SSBP3: variants seen among roughly 807,000 people sequenced by gnomAD.
SSBP3 encodes the protein single-stranded DNA-binding protein 3.
SSBP3 carries 5 observed loss-of-function variants against 69.6 expected under a neutral mutation model. The observed-to-expected ratio is 0.07, with a 90% CI of 0.04 to 0.15. The LOEUF (loss-of-function observed/expected upper bound fraction) is 0.15, where lower values mean the gene tolerates loss of function less well. Among genes scored for constraint, SSBP3 ranks in the 10% least tolerant of loss-of-function variants. The pLI is 1.00. For missense variants in SSBP3, 312 were observed against 534.0 expected (o/e 0.58, Z 4.10); for synonymous variants, 196 against 193.4 (o/e 1.01, Z -0.11).
At chr1:54,243,926 GTTT>G in intron 9 of SSBP3, among the ~76,000 whole-genome samples, 1 of 151,806 alleles carries the variant, frequency 6.6e-6, no homozygotes, top group African/African-American at 2.4e-5. Flanking sequence ...GTGTGTGTGA[GTTT>G]TTTTTTGTTT....
intron 4 of SSBP3, among the ~76,000 whole-genome samples, chr1:54,329,587 AC>A (rs1393945046): frequency 6.6e-6 from 1 of 152,244 alleles, no homozygotes; most frequent in African/African-American, 2.4e-5. Flanking sequence ...GCCCCAGGCT[AC>A]AGGGGAGGTG....
intron 9 of SSBP3, among the ~76,000 whole-genome samples, chr1:54,244,995 C>T (rs1174502457): frequency 5.9e-5 from 9 of 152,206 alleles, no homozygotes; most frequent in Non-Finnish European, 1.0e-4. Context: ...TGATCATATA[C>T]CCCCCACCCC....
intron 5 of SSBP3, among the ~76,000 whole-genome samples, chr1:54,265,189 G>A (rs1557475901): frequency 6.6e-6 from 1 of 152,190 alleles, no homozygotes; most frequent in African/African-American, 2.4e-5. Flanking sequence ...CTGACCAGAT[G>A]GGGGGAGGAA....
intron 4 of SSBP3, among the ~76,000 whole-genome samples, chr1:54,323,646 T>C (rs963437604): frequency 6.6e-6 from 1 of 152,166 alleles, no homozygotes; most frequent in Non-Finnish European, 1.5e-5. Context: ...ATGCGGGTGC[T>C]TGGGGGCAAA....
At chr1:54,242,193 G>T (rs752894951) in exon 11 of SSBP3, 27 of 1,613,660 alleles carry the variant, frequency 1.7e-5, no homozygotes, top group Non-Finnish European at 2.3e-5. Flanking sequence ...TTGGGCCAGG[G>T]TCTGCCAGCT....
chr1:54,354,876 AC>A lies in SSBP3; in HGVS notation c.276+46984del, dbSNP rs570141379. ...AACACATCATCTGTACATGCCATCT[AC>A]CCAGCCTGTGGACTTCCCAGTAATT... On this transcript the variant is annotated intron_variant, in intron 4 of 17. Coordinates refer to ENST00000610401, the Ensembl canonical transcript of SSBP3. Among the ~76,000 whole-genome samples, 373 of 152,284 alleles carry A rather than the reference AC, an allele frequency of 2.4e-3. 2 individuals carry two copies. Among genetic ancestry groups the A allele is most frequent in the Non-Finnish European group, 3.5e-3 (238 of 68,020 alleles).
intron 4 of SSBP3, among the ~76,000 whole-genome samples, chr1:54,350,687 G>A (rs907865646): frequency 3.9e-5 from 6 of 152,198 alleles, no homozygotes; most frequent in African/African-American, 1.4e-4. Context: ...CTCAGCCTGG[G>A]AAGCTGAGCT....
chr1:54,251,560 A>T, intron 9 of SSBP3, 56 bp downstream of exon 9: 1 of 1,509,588 alleles, frequency 6.6e-7, no homozygotes, highest in Non-Finnish European at 9.0e-7. Context: ...AACAGGAGAG[A>T]AGGCGGGTGC....
At chr1:54,395,377 T>G (rs1233830424) in intron 4 of SSBP3, among the ~76,000 whole-genome samples, 1 of 152,242 alleles carries the variant, frequency 6.6e-6, no homozygotes, top group Non-Finnish European at 1.5e-5. Flanking sequence ...TTCCTACTGA[T>G]GCCAAGCTGC....
rs375776087 is a variant in SSBP3, at chr1:54,228,713, C to T, written c.1006+35G>A. 1.7e-5 allele frequency: 26 copies of T among 1,558,768 alleles called. No homozygotes were observed. In the African/African-American group the frequency reaches 2.6e-4, roughly 15 times the overall value. On this transcript the variant is annotated intron_variant, in intron 15 of 17. Coordinates refer to ENST00000610401, the Ensembl canonical transcript of SSBP3. ...TGAGGCACAGAGCTGGCTGCCCAGG[C>T]AGGGTGGGGCATGGCGAGGGCAGGG... is the stretch of plus-strand genomic sequence containing the variant.
At chr1:54,264,253 G>C (rs1421189745) in intron 5 of SSBP3, among the ~76,000 whole-genome samples, 5 of 152,128 alleles carry the variant, frequency 3.3e-5, no homozygotes, top group African/African-American at 9.7e-5. Flanking sequence ...AGTCAGCTGT[G>C]ATCATGCCAC....
intron 4 of SSBP3, among the ~76,000 whole-genome samples, chr1:54,367,262 A>C (rs541876491): frequency 5.1e-4 from 77 of 152,280 alleles, no homozygotes; most frequent in African/African-American, 1.8e-3. Flanking sequence ...CCCCGCCCTG[A>C]TACTCACCTT....
intron 13 of SSBP3, 102 bp from the exon 14 acceptor site, chr1:54,239,301 A>C: frequency 1.1e-6 from 1 of 923,184 alleles, no homozygotes; most frequent in Non-Finnish European, 1.6e-6. Flanking sequence ...TTATAACCTA[A>C]AATTTCCTCT....
At chr1:54,278,924 T>C (rs1645340211) in intron 5 of SSBP3, among the ~76,000 whole-genome samples, 1 of 152,244 alleles carries the variant, frequency 6.6e-6, no homozygotes, top group African/African-American at 2.4e-5. Context: ...CTAATATTCC[T>C]GTTGTAAGCA....
At chr1:54,330,244 A>T (rs1015641865) in intron 4 of SSBP3, among the ~76,000 whole-genome samples, 1 of 152,170 alleles carries the variant, frequency 6.6e-6, no homozygotes, top group African/African-American at 2.4e-5. Flanking sequence ...GATTACCACC[A>T]GCAAGGAGGG....
intron 4 of SSBP3, among the ~76,000 whole-genome samples, chr1:54,399,220 A>G (rs1321071320): frequency 6.6e-6 from 1 of 152,252 alleles, no homozygotes; most frequent in Non-Finnish European, 1.5e-5. Flanking sequence ...CGCCCGAAAG[A>G]CAACCCTAAG....
intron 4 of SSBP3, chr1:54,325,504 T>C (rs1039625623): frequency 4.8e-5 from 8 of 167,062 alleles, no homozygotes; most frequent in African/African-American, 1.9e-4. Context: ...GCCAAGGCTT[T>C]AAGATGCAAT....
chr1:54,408,465 G>A (rs1469708997), upstream of SSBP3, among the ~76,000 whole-genome samples: 1 of 152,172 alleles, frequency 6.6e-6, no homozygotes, highest in African/African-American at 2.4e-5. Flanking sequence ...CTCACAAGAA[G>A]CCTGACTCAT....
chr1:54,330,438 A>G (rs1018759639), intron 4 of SSBP3, among the ~76,000 whole-genome samples: 1 of 152,120 alleles, frequency 6.6e-6, no homozygotes, highest in Middle Eastern at 3.2e-3. Flanking sequence ...CATTTTATTC[A>G]TCCTTATGGC....
Sources: allele counts gnomAD v4.1 joint callset (sites outside exome capture counted in the v4.1 genomes callset), GRCh38; gene constraint gnomAD v4.1.1; transcripts MANE v1.5; gene names NCBI Gene and HGNC (gene_info 2026-07-23, HGNC 2026-07-21).